EPB41L3: variants seen among roughly 807,000 people sequenced by gnomAD.
EPB41L3 encodes the protein erythrocyte membrane protein band 4.1 like 3, also known as band 4.1-like protein 3.
In EPB41L3, 57 loss-of-function variants were observed where a neutral mutation model predicts 127.1. The observed-to-expected ratio is 0.45, with a 90% CI of 0.36 to 0.56. The LOEUF is 0.56. EPB41L3 is among the 20% of genes least tolerant of loss of function. The pLI is 0.00. For synonymous variants in EPB41L3, 572 were observed against 549.5 expected, an observed-to-expected ratio of 1.04 and a Z score of -0.57; for missense variants, 1,273 against 1,372.2, an observed-to-expected ratio of 0.93 and a Z score of 1.14.
At chr18:5,453,410 T>C (rs1166154642) in intron 3 of EPB41L3, among the ~76,000 whole-genome samples, 2 of 152,172 alleles carry the variant, frequency 1.3e-5, no homozygotes, top group African/African-American at 2.4e-5. Flanking sequence ...GGTTCCTGCA[T>C]CAGAAGGTGT....
intron 16 of EPB41L3, chr18:5,398,593 C>T (rs1567977466): frequency 2.5e-6 from 1 of 401,774 alleles, no homozygotes; most frequent in Non-Finnish European, 4.4e-6. Flanking sequence ...AGGGGACTGC[C>T]TCAAAAACTG....
upstream of EPB41L3, chr18:5,544,324 C>T (rs914541326): frequency 1.0e-6 from 1 of 985,406 alleles, no homozygotes; most frequent in Non-Finnish European, 1.2e-6. Context: ...GACCCCTCTC[C>T]CCTCCCAGAC....
chr18:5,421,751 A>T (rs1259755323), intron 11 of EPB41L3, among the ~76,000 whole-genome samples: 4 of 152,220 alleles, frequency 2.6e-5, no homozygotes, highest in African/African-American at 9.6e-5. Flanking sequence ...TCTCATGTAT[A>T]AGTGGGAGCT....
At chr18:5,394,637 C>A (rs770926856) in intron 22 of EPB41L3, 40 bp downstream of exon 22, 1 of 1,527,594 alleles carries the variant, frequency 6.5e-7, no homozygotes, top group East Asian at 2.3e-5. Flanking sequence ...ATGCCTCATG[C>A]CAGCCTAGGC....
chr18:5,600,340 G>A (rs1365642626), intron 3 of EPB41L3, among the ~76,000 whole-genome samples: 1 of 152,142 alleles, frequency 6.6e-6, no homozygotes, highest in Non-Finnish European at 1.5e-5. Context: ...ACACATAAGA[G>A]ATGTAATTTT....
At chr18:5,555,832 T>C (rs1315496141) in intron 3 of EPB41L3, among the ~76,000 whole-genome samples, 2 of 152,186 alleles carry the variant, frequency 1.3e-5, no homozygotes, top group Non-Finnish European at 2.9e-5. Flanking sequence ...CACTCTCAAA[T>C]GCAGCCTCGA....
At chr18:5,407,047 G>A (rs1292603094) in intron 15 of EPB41L3, 79 bp from the exon 16 acceptor site, 8 of 1,381,500 alleles carry the variant, frequency 5.8e-6, no homozygotes, top group Non-Finnish European at 8.2e-6. Context: ...TGCTTTAAAA[G>A]TAATGTCAAT....
chr18:5,592,146 T>A (rs181883601), intron 3 of EPB41L3, among the ~76,000 whole-genome samples: 146 of 152,248 alleles, frequency 9.6e-4, no homozygotes, highest in Admixed American at 1.8e-3. Flanking sequence ...GTCATTCAAG[T>A]CTTTATTATT....
At chr18:5,465,237 G>A (rs1032680448) in intron 3 of EPB41L3, among the ~76,000 whole-genome samples, 1 of 152,142 alleles carries the variant, frequency 6.6e-6, no homozygotes, top group Non-Finnish European at 1.5e-5. Context: ...AAGCACAATT[G>A]TTGCTTCCTA....
chr18:5,624,318 T>C (rs2094898620), intron 1 of EPB41L3, among the ~76,000 whole-genome samples: 1 of 152,208 alleles, frequency 6.6e-6, no homozygotes, highest in Non-Finnish European at 1.5e-5. Context: ...TAGGAATGCA[T>C]TCAGTACTTT....
intron 1 of EPB41L3, among the ~76,000 whole-genome samples, chr18:5,624,573 CTT>C (rs2094901436): frequency 3.3e-5 from 5 of 152,178 alleles, no homozygotes; most frequent in Admixed American, 2.6e-4. Flanking sequence ...TGTTTTTCCA[CTT>C]TGTCTTGAAA....
At chr18:5,571,104 A>C (rs1192529700) in intron 3 of EPB41L3, among the ~76,000 whole-genome samples, 3 of 152,216 alleles carry the variant, frequency 2.0e-5, no homozygotes, top group African/African-American at 7.2e-5. Context: ...TGAAGGTTAA[A>C]GTGAAAAACT....
intron 1 of EPB41L3, among the ~76,000 whole-genome samples, chr18:5,524,598 G>C (rs1316299586): frequency 6.8e-6 from 1 of 147,806 alleles, no homozygotes; most frequent in Non-Finnish European, 1.5e-5. Context: ...CAGGAAATAA[G>C]GCTGTGCCAG....
intron 13 of EPB41L3, among the ~76,000 whole-genome samples, chr18:5,412,544 A>C (rs2076326762): frequency 6.6e-6 from 1 of 152,190 alleles, no homozygotes; most frequent in Non-Finnish European, 1.5e-5. Flanking sequence ...ACTTGCATTT[A>C]GTGTTCTAAT....
chr18:5,410,136 A>C (rs16948118), intron 14 of EPB41L3, among the ~76,000 whole-genome samples: 26,859 of 151,982 alleles, frequency 0.18, 4,767 homozygotes, highest in African/African-American at 0.46. Flanking sequence ...GTATCAAGCC[A>C]AAATACTAGT....
intron 5 of EPB41L3, among the ~76,000 whole-genome samples, chr18:5,442,568 T>G (rs571287434): frequency 1.3e-5 from 2 of 152,298 alleles, no homozygotes; most frequent in South Asian, 4.1e-4. Context: ...AGTATTTGCT[T>G]GCTCTTTTAA....
intron 1 of EPB41L3, among the ~76,000 whole-genome samples, chr18:5,490,736 A>G (rs1415501780): frequency 6.6e-6 from 1 of 152,202 alleles, no homozygotes; most frequent in Non-Finnish European, 1.5e-5. Flanking sequence ...CTTATCCTGG[A>G]AAGTGGCATA....
At position 5,448,426 on chromosome 18, in the gene EPB41L3, T is replaced by A. The variant is rs186892598; in HGVS notation, c.382-3182A>T. On this transcript the variant is annotated intron_variant, in intron 3 of 22. Coordinates refer to ENST00000341928, the MANE Select transcript of EPB41L3 (RefSeq NM_012307.5). ...AGTCAACTAATTCTACTTATTGATA[T>A]CTGCATGTGCCTGCAGGTAATCATG... Among the ~76,000 whole-genome samples, 39 of 152,290 alleles carry A rather than the reference T, an allele frequency of 2.6e-4. No homozygotes were observed. The East Asian group carries it at 3.9e-3, about 15-fold the overall frequency.
At chr18:5,465,447 A>C (rs2084785881) in intron 3 of EPB41L3, among the ~76,000 whole-genome samples, 1 of 152,220 alleles carries the variant, frequency 6.6e-6, no homozygotes, top group South Asian at 2.1e-4. Flanking sequence ...TAGGCGATAA[A>C]AGTAAATCTC....
Sources: gnomAD v4.1 joint callset for allele counts (sites outside exome capture counted in the v4.1 genomes callset) on GRCh38, gnomAD v4.1.1 for gene constraint, MANE v1.5 for transcripts, NCBI Gene and HGNC (gene_info 2026-07-23, HGNC 2026-07-21) for gene names.